DNER: variants seen among roughly 807,000 people sequenced by gnomAD.
The protein encoded by DNER is delta and Notch-like epidermal growth factor-related receptor.
Under a neutral mutation model 78.2 loss-of-function variants are expected in DNER, and 33 were observed. That is an observed-to-expected ratio of 0.42 (90% CI 0.32 to 0.56). The LOEUF (loss-of-function observed/expected upper bound fraction) is 0.56, where lower values mean the gene tolerates loss of function less well. DNER is among the 20% of genes least tolerant of loss of function. The probability of loss-of-function intolerance (pLI) is 0.11; values close to 1 mark genes in which losing one functional copy is unlikely to be tolerated. For missense variants in DNER, 918 were observed against 975.3 expected (o/e 0.94, Z 0.78); for synonymous variants, 417 against 384.8 (o/e 1.08, Z -0.98).
At chr2:229,434,191 G>A (rs536766513) in intron 8 of DNER, among the ~76,000 whole-genome samples, 2 of 152,330 alleles carry the variant, frequency 1.3e-5, no homozygotes, top group South Asian at 2.1e-4. Context: ...CTTTCTGGCT[G>A]TATTTACTTT....
At chr2:229,576,122 A>G (rs938803102) in intron 4 of DNER, among the ~76,000 whole-genome samples, 1 of 152,188 alleles carries the variant, frequency 6.6e-6, no homozygotes, top group South Asian at 2.1e-4. Flanking sequence ...AGCAGAACTT[A>G]CTCAATTGTG....
chr2:229,621,881 C>T (rs1393346576), intron 1 of DNER, among the ~76,000 whole-genome samples: 2 of 152,046 alleles, frequency 1.3e-5, no homozygotes, highest in African/African-American at 4.8e-5. Context: ...GTCAGGAAAT[C>T]GAGACCAACC....
At chr2:229,558,568 A>G (rs1202226390) in intron 4 of DNER, among the ~76,000 whole-genome samples, 2 of 152,248 alleles carry the variant, frequency 1.3e-5, no homozygotes, top group East Asian at 3.8e-4. Flanking sequence ...TGCTTAAATC[A>G]TAACTGTATA....
intron 1 of DNER, among the ~76,000 whole-genome samples, chr2:229,671,832 G>T (rs1437635884): frequency 2.0e-5 from 3 of 152,178 alleles, no homozygotes; most frequent in African/African-American, 7.2e-5. Flanking sequence ...GTAAACGGAT[G>T]CTTCATGGAG....
chr2:229,373,388 A>G (rs372032153), intron 11 of DNER, among the ~76,000 whole-genome samples: 1 of 152,232 alleles, frequency 6.6e-6, no homozygotes, highest in East Asian at 1.9e-4. Context: ...TCAAAACCAC[A>G]ATAAGATAAT....
At chr2:229,694,223 G>A (rs1302692522) in intron 1 of DNER, among the ~76,000 whole-genome samples, 1 of 152,270 alleles carries the variant, frequency 6.6e-6, no homozygotes, top group Non-Finnish European at 1.5e-5. Context: ...TTCAGAGGGT[G>A]CATGGAAACG....
intron 7 of DNER, among the ~76,000 whole-genome samples, chr2:229,463,728 G>A (rs982112044): frequency 3.3e-5 from 5 of 152,168 alleles, no homozygotes; most frequent in African/African-American, 4.8e-5. Context: ...GCATTGAGCC[G>A]CTGTGCCCAG....
intron 1 of DNER, among the ~76,000 whole-genome samples, chr2:229,700,337 ATT>A (rs373414789): frequency 1.0e-3 from 129 of 124,986 alleles, no homozygotes; most frequent in Middle Eastern, 3.8e-3. Context: ...TCAGTGCAAC[ATT>A]TTTTTTTTTT....
intron 6 of DNER, among the ~76,000 whole-genome samples, chr2:229,501,640 A>C (rs1003207821): frequency 3.9e-5 from 6 of 152,238 alleles, no homozygotes; most frequent in Non-Finnish European, 5.9e-5. Context: ...TGGTGACAAC[A>C]ACACAGTTTG....
At chr2:229,476,352 C>T (rs1695036765) in intron 7 of DNER, among the ~76,000 whole-genome samples, 1 of 152,142 alleles carries the variant, frequency 6.6e-6, no homozygotes, top group African/African-American at 2.4e-5. Flanking sequence ...GACCACCGCC[C>T]TCCCCCTGCC....
At position 229,664,336 on chromosome 2, in the gene DNER, C is replaced by T. The variant is rs184727743; in HGVS notation, c.276+49812G>A. Reference sequence around the variant, plus strand: ...ACCAGTGGTAAGATGCAAGCACCATCCAGGGCATCAAGAATGGTAAGGCCA... The same window carrying T: ...ACCAGTGGTAAGATGCAAGCACCATTCAGGGCATCAAGAATGGTAAGGCCA... On this transcript the variant is annotated intron_variant, in intron 1 of 12. Coordinates refer to ENST00000341772, the MANE Select transcript of DNER (RefSeq NM_139072.4). Among the ~76,000 whole-genome samples the T allele has an allele frequency of 4.9e-4, 75 of 152,174 alleles. 1 individual carries two copies. Among genetic ancestry groups the T allele is most frequent in the African/African-American group, 1.6e-3 (65 of 41,508 alleles).
At chr2:229,696,878 G>T (rs1410912481) in intron 1 of DNER, among the ~76,000 whole-genome samples, 1 of 152,178 alleles carries the variant, frequency 6.6e-6, no homozygotes, top group African/African-American at 2.4e-5. Flanking sequence ...TAACCATCCA[G>T]GGGGGATCCT....
At chr2:229,693,585 T>C (rs1036136034) in intron 1 of DNER, among the ~76,000 whole-genome samples, 7 of 152,126 alleles carry the variant, frequency 4.6e-5, no homozygotes, top group African/African-American at 1.7e-4. Flanking sequence ...AAGTCCAGGC[T>C]GAGGTGGTCT....
chr2:229,575,953 T>C (rs1697290995), intron 4 of DNER, among the ~76,000 whole-genome samples: 1 of 152,216 alleles, frequency 6.6e-6, no homozygotes, highest in East Asian at 1.9e-4. Context: ...ATAGAAATCT[T>C]TGAACTAAGC....
intron 5 of DNER, among the ~76,000 whole-genome samples, chr2:229,516,951 CA>C (rs199879957): frequency 5.4e-5 from 8 of 147,004 alleles, no homozygotes; most frequent in South Asian, 2.2e-4. Context: ...ACTAAAAATA[CA>C]AAAAAAAAAT....
At chr2:229,588,294 A>T in intron 3 of DNER, 100 bp downstream of exon 3, 1 of 1,060,530 alleles carries the variant, frequency 9.4e-7, no homozygotes, top group Non-Finnish European at 1.4e-6. Flanking sequence ...CACGATTCTC[A>T]CTTGACAGGC....
At chr2:229,675,299 TG>T (rs1364441588) in intron 1 of DNER, among the ~76,000 whole-genome samples, 3 of 152,166 alleles carry the variant, frequency 2.0e-5, no homozygotes, top group Non-Finnish European at 4.4e-5. Flanking sequence ...GGATGAACTG[TG>T]GTGGACCTAA....
intron 1 of DNER, among the ~76,000 whole-genome samples, chr2:229,694,558 C>T (rs1046603615): frequency 3.3e-5 from 5 of 152,238 alleles, no homozygotes; most frequent in Admixed American, 3.3e-4. Context: ...CTTGCATCAG[C>T]ATGACCTGGA....
chr2:229,610,815 T>G (rs1698033104), intron 1 of DNER, among the ~76,000 whole-genome samples: 1 of 152,242 alleles, frequency 6.6e-6, no homozygotes, highest in South Asian at 2.1e-4. Flanking sequence ...TATGGCAATG[T>G]GTACGCTGCT....
Sources: gnomAD v4.1 joint callset for allele counts (sites outside exome capture counted in the v4.1 genomes callset) on GRCh38, gnomAD v4.1.1 for gene constraint, MANE v1.5 for transcripts, NCBI Gene and HGNC (gene_info 2026-07-23, HGNC 2026-07-21) for gene names.